Variants in CFAP61 observed in about 807,000 individuals in gnomAD.
CFAP61 encodes the protein cilia- and flagella-associated protein 61.
CFAP61 carries 107 observed loss-of-function variants against 135.6 expected under a neutral mutation model. The ratio of observed to expected loss-of-function variants is 0.79; its 90% confidence interval spans 0.67 to 0.93. The LOEUF is 0.93. Ranked by LOEUF, CFAP61 falls within the 40% of genes least tolerant of loss-of-function variation. CFAP61 has a pLI of 0.00. For missense variants in CFAP61, 1,507 were observed against 1,556.2 expected (o/e 0.97, Z 0.53); for synonymous variants, 575 against 578.5 (o/e 0.99, Z 0.09).
At chr20:20,322,116 T>C (rs950355007) in intron 25 of CFAP61, among the ~76,000 whole-genome samples, 1 of 152,140 alleles carries the variant, frequency 6.6e-6, no homozygotes, top group Admixed American at 6.5e-5. Context: ...CCAACCCAGG[T>C]GCTAGACATG....
In CFAP61 at chr20:20,168,396, A is replaced by T. The variant is rs552150096; in HGVS notation, c.1246-925A>T. Among the ~76,000 whole-genome samples, 13 of 152,330 alleles carry T rather than the reference A, an allele frequency of 8.5e-5. No individual in the cohort carries two copies. The South Asian group carries it at 2.3e-3, about 27-fold the overall frequency. ...CATTTCAACATATAATCAATATGAA[A>T]ACTTATTAATGAGCTATTTACAATC... is the stretch of plus-strand genomic sequence containing the variant. On this transcript the variant is annotated intron_variant, in intron 12 of 26. Transcript: ENST00000245957.
chr20:20,231,684 C>T (rs867601107), intron 18 of CFAP61, among the ~76,000 whole-genome samples: 2 of 152,176 alleles, frequency 1.3e-5, no homozygotes, highest in Admixed American at 6.5e-5. Flanking sequence ...GCCCAGCCAG[C>T]GCAGGAGCAT....
At chr20:20,092,284 A>T (rs1046911536) in intron 7 of CFAP61, among the ~76,000 whole-genome samples, 1 of 152,248 alleles carries the variant, frequency 6.6e-6, no homozygotes, top group African/African-American at 2.4e-5. Context: ...CAGCTATTGT[A>T]AAAATTATGA....
chr20:20,274,836 T>A (rs954862547), intron 21 of CFAP61, among the ~76,000 whole-genome samples: 4 of 152,196 alleles, frequency 2.6e-5, no homozygotes, highest in Non-Finnish European at 4.4e-5. Context: ...CACGGCATTC[T>A]ACTATATTTT....
At chr20:20,280,240 G>A (rs2054098543) in intron 22 of CFAP61, among the ~76,000 whole-genome samples, 1 of 152,170 alleles carries the variant, frequency 6.6e-6, no homozygotes, top group African/African-American at 2.4e-5. Context: ...CGACAGTGGA[G>A]GCAGAGGTTG....
intron 6 of CFAP61, among the ~76,000 whole-genome samples, chr20:20,078,236 A>C (rs2046195809): frequency 6.6e-6 from 1 of 152,168 alleles, no homozygotes; most frequent in Non-Finnish European, 1.5e-5. Context: ...CATGCGCTGA[A>C]CTGGTATTTC....
At chr20:20,162,463 T>C (rs2053483858) in intron 10 of CFAP61, among the ~76,000 whole-genome samples, 1 of 152,158 alleles carries the variant, frequency 6.6e-6, no homozygotes, top group Non-Finnish European at 1.5e-5. Context: ...CACCCAGTAA[T>C]AATGCCAGAT....
intron 8 of CFAP61, among the ~76,000 whole-genome samples, chr20:20,099,667 G>A (rs2047870633): frequency 6.6e-6 from 1 of 152,124 alleles, no homozygotes; most frequent in Non-Finnish European, 1.5e-5. Context: ...ATCACCGTTA[G>A]CAATTATTTT....
chr20:20,068,253 G>C (rs955311877), intron 2 of CFAP61, among the ~76,000 whole-genome samples: 1 of 152,204 alleles, frequency 6.6e-6, no homozygotes, highest in Non-Finnish European at 1.5e-5. Flanking sequence ...GACATGTACA[G>C]CGTCTTGTGC....
At chr20:20,152,954 A>T in intron 9 of CFAP61, among the ~76,000 whole-genome samples, 1 of 152,228 alleles carries the variant, frequency 6.6e-6, no homozygotes, top group East Asian at 1.9e-4. Context: ...ATTCTCCAAG[A>T]TATGCCATAT....
intron 4 of CFAP61, 147 bp downstream of exon 4, chr20:20,074,525 T>C (rs529105450): frequency 4.4e-6 from 3 of 674,520 alleles, no homozygotes; most frequent in East Asian, 2.7e-5. Context: ...TGAATAGCAA[T>C]GATATTTCTG....
intron 25 of CFAP61, among the ~76,000 whole-genome samples, chr20:20,299,977 C>T (rs1056279185): frequency 6.6e-6 from 1 of 152,178 alleles, no homozygotes; most frequent in Non-Finnish European, 1.5e-5. Context: ...TGGTCACGTG[C>T]CACATAAACA....
At chr20:20,207,802 C>A (rs553816755) in intron 17 of CFAP61, among the ~76,000 whole-genome samples, 4 of 152,280 alleles carry the variant, frequency 2.6e-5, no homozygotes, top group South Asian at 4.1e-4. Flanking sequence ...AACCTTCACT[C>A]CTCCTATCTT....
At chr20:20,296,506 C>CCCTT (rs1043819457) in intron 24 of CFAP61, among the ~76,000 whole-genome samples, 39 of 148,282 alleles carry the variant, frequency 2.6e-4, no homozygotes, top group African/African-American at 8.2e-4. Flanking sequence ...CTTCTTTACT[C>CCCTT]CCTTCCTTCC....
intron 8 of CFAP61, among the ~76,000 whole-genome samples, chr20:20,111,590 T>C (rs1015513872): frequency 6.6e-6 from 1 of 152,184 alleles, no homozygotes; most frequent in Admixed American, 6.5e-5. Context: ...TTATGTCTTG[T>C]TACAAGGAGG....
intron 9 of CFAP61, among the ~76,000 whole-genome samples, chr20:20,146,855 G>A (rs1016299410): frequency 3.3e-5 from 5 of 152,054 alleles, no homozygotes; most frequent in African/African-American, 1.2e-4. Flanking sequence ...TAGTGCATCC[G>A]TCACCTGTGC....
At chr20:20,302,959 A>C (rs2056200464) in intron 25 of CFAP61, among the ~76,000 whole-genome samples, 2 of 152,228 alleles carry the variant, frequency 1.3e-5, no homozygotes, top group African/African-American at 4.8e-5. Context: ...GGTAAGTGTC[A>C]AAATTTAAAA....
chr20:20,135,115 G>C lies in CFAP61; in HGVS notation c.860-7742G>C, dbSNP rs1470255048. Among the ~76,000 whole-genome samples, 5 of 152,150 alleles carry C rather than the reference G, an allele frequency of 3.3e-5. No homozygotes were observed. The East Asian group carries it at 9.7e-4, about 29-fold the overall frequency. ...GAGGGAGATTATAAAGACAGAAAAG[G>C]AAAAGGCAATGTGATTATGGAATCA... On this transcript the variant is annotated intron_variant, in intron 8 of 26. Coordinates refer to ENST00000245957, the MANE Select transcript of CFAP61 (RefSeq NM_015585.4).
intron 18 of CFAP61, among the ~76,000 whole-genome samples, chr20:20,233,429 G>A (rs1051008698): frequency 5.3e-5 from 8 of 152,212 alleles, no homozygotes; most frequent in African/African-American, 1.9e-4. Context: ...GCGAGGCCCA[G>A]GGCATGTGCA....
Sources: allele counts gnomAD v4.1 joint callset (sites outside exome capture counted in the v4.1 genomes callset), GRCh38; gene constraint gnomAD v4.1.1; transcripts MANE v1.5; gene names NCBI Gene and HGNC (gene_info 2026-07-23, HGNC 2026-07-21).